PRKRIP1: variants seen among roughly 807,000 people sequenced by gnomAD.
PRKRIP1 encodes the protein PRKR interacting protein 1.
Under a neutral mutation model 29.3 loss-of-function variants are expected in PRKRIP1, and 29 were observed. The ratio of observed to expected loss-of-function variants is 0.99; its 90% CI spans 0.74 to 1.35. PRKRIP1 has a LOEUF of 1.35. PRKRIP1 is among the 40% of genes most tolerant of loss of function. The pLI is 0.00. For missense variants in PRKRIP1, 247 were observed against 236.8 expected, an observed-to-expected ratio of 1.04 and a Z score of -0.28; for synonymous variants, 90 against 85.1, an observed-to-expected ratio of 1.06 and a Z score of -0.32.
Position 102,397,824 on chromosome 7 carries a change from T to C in PRKRIP1, c.205+126T>C, listed in dbSNP as rs192167870. 6.8e-6 allele frequency: 5 copies of C among 734,824 alleles called. No homozygotes were observed. In the African/African-American group the frequency reaches 9.0e-5, roughly 13 times the overall value. The allele number at this position is 734,824 out of a possible 1,614,324, so 45.5% of individuals were successfully genotyped here. A position where few individuals can be genotyped will look rare whatever the true frequency, so the allele number is the denominator to read the frequency against. On this transcript the variant is annotated intron_variant, in intron 2 of 5. Coordinates refer to ENST00000397912, the MANE Select transcript of PRKRIP1 (RefSeq NM_024653.4). ...ACTTTGGGAGGCCGAGGCGGGCGGA[T>C]CATGAGGTCAGGAGATCGAGACCAT...
At chr7:102,408,834 G>A (rs1364410255) in intron 5 of PRKRIP1, among the ~76,000 whole-genome samples, 10 of 152,066 alleles carry the variant, frequency 6.6e-5, no homozygotes, top group Admixed American at 6.6e-4. Context: ...CCGAGATCAC[G>A]CCATTGCACT....
At position 102,399,614 on chromosome 7, in the gene PRKRIP1, A is replaced by C. The variant is rs782266026; in HGVS notation, c.272A>C (p.Gln91Pro). ...VYRHLRRREY[Q>P]RQDYMDAMAE... ...AGACATCTGCGCCGGAGAGAATATCAGCGACAGGACTACATGGATGCCATG... is the reference window on the plus strand; with the variant it reads ...AGACATCTGCGCCGGAGAGAATATCCGCGACAGGACTACATGGATGCCATG... Residue 91 changes from glutamine to proline, a missense_variant, in exon 3 of 6, where the codon CAG (glutamine) becomes CCG (proline). Coordinates refer to ENST00000397912, the MANE Select transcript of PRKRIP1 (RefSeq NM_024653.4). 3 of 1,614,038 alleles carry C rather than the reference A, an allele frequency of 1.9e-6. No homozygotes were observed. Among genetic ancestry groups the C allele is most frequent in the Non-Finnish European group, 2.5e-6 (3 of 1,179,960 alleles).
At chr7:102,409,652 A>G (rs185007360) in intron 5 of PRKRIP1, among the ~76,000 whole-genome samples, 174 of 151,952 alleles carry the variant, frequency 1.1e-3, no homozygotes, top group African/African-American at 4.1e-3. Context: ...GTGAGACCCC[A>G]TCTCTACAAA....
chr7:102,399,081 C>T (rs1436801073), intron 2 of PRKRIP1, among the ~76,000 whole-genome samples: 1 of 152,124 alleles, frequency 6.6e-6, no homozygotes, highest in African/African-American at 2.4e-5. Flanking sequence ...GTGATTGCGC[C>T]ACTGCCCTCC....
chr7:102,403,863 C>T (rs1232940135), intron 3 of PRKRIP1, among the ~76,000 whole-genome samples: 3 of 152,146 alleles, frequency 2.0e-5, no homozygotes, highest in Non-Finnish European at 2.9e-5. Flanking sequence ...GCGTGTGTTA[C>T]GCTGCTTTAG....
At chr7:102,409,875 TC>T (rs1448473717) in intron 5 of PRKRIP1, among the ~76,000 whole-genome samples, 2 of 152,048 alleles carry the variant, frequency 1.3e-5, no homozygotes, top group Non-Finnish European at 2.9e-5. Flanking sequence ...AATTTGACCC[TC>T]CCTCCTCAGG....
At chr7:102,397,569 A>G (rs1554570562) in intron 1 of PRKRIP1, 51 bp from the exon 2 acceptor site, 3 of 1,437,276 alleles carry the variant, frequency 2.1e-6, no homozygotes, top group South Asian at 2.3e-5. Flanking sequence ...GGAGATATAT[A>G]ATTTTGTCAA....
At chr7:102,396,615 C>T in intron 1 of PRKRIP1, 78 bp downstream of exon 1, 2 of 1,461,758 alleles carry the variant, frequency 1.4e-6, no homozygotes, top group East Asian at 2.5e-5. Flanking sequence ...TCCCGCAGGT[C>T]CACCTTCCCC....
chr7:102,399,326 A>G (rs1458010106), intron 2 of PRKRIP1, among the ~76,000 whole-genome samples: 1 of 152,134 alleles, frequency 6.6e-6, no homozygotes, highest in African/African-American at 2.4e-5. Context: ...ACTGCATTTG[A>G]GTGGGATTTT....
intron 2 of PRKRIP1, 45 bp from the exon 3 acceptor site, chr7:102,399,503 T>C (rs1028077460): frequency 6.6e-7 from 1 of 1,504,162 alleles, no homozygotes; most frequent in Non-Finnish European, 9.3e-7. Context: ...TGACCTGTGT[T>C]GGTAACTGAA....
At chr7:102,400,811 T>G (rs782668330) in intron 3 of PRKRIP1, among the ~76,000 whole-genome samples, 11 of 152,126 alleles carry the variant, frequency 7.2e-5, no homozygotes, top group Non-Finnish European at 1.3e-4. Flanking sequence ...ATTTTTTGTA[T>G]TTTTAGTAGA....
intron 1 of PRKRIP1, among the ~76,000 whole-genome samples, chr7:102,396,768 G>A (rs2133158760): frequency 6.6e-6 from 1 of 152,236 alleles, no homozygotes; most frequent in South Asian, 2.1e-4. Context: ...ACGGTGGAGC[G>A]GCTTCCCGTG....
In PRKRIP1 at chr7:102,425,172, G is replaced by C. The variant is rs781924000; in HGVS notation, c.*61G>C. 13 of 1,559,588 alleles carry C rather than the reference G, an allele frequency of 8.3e-6. No homozygotes were observed. The African/African-American group carries it at 1.8e-4, about 21-fold the overall frequency. ...CGTGCTGTGACCAGAAGGGAAAGGC[G>C]GCTGTTTGGCTCTTTCTCCCCCGCA... is the stretch of plus-strand genomic sequence containing the variant. On this transcript the variant is annotated 3_prime_UTR_variant, in exon 6 of 6. Transcript: ENST00000397912.
intron 5 of PRKRIP1, among the ~76,000 whole-genome samples, chr7:102,415,608 C>T (rs1203697309): frequency 1.3e-5 from 2 of 152,258 alleles, no homozygotes; most frequent in African/African-American, 4.8e-5. Context: ...CCCAAGATCA[C>T]GGAATGCTTC....
chr7:102,424,926 T>C (rs1459918518), intron 5 of PRKRIP1, 88 bp from the exon 6 acceptor site: 2 of 1,384,586 alleles, frequency 1.4e-6, no homozygotes, highest in African/African-American at 1.5e-5. Context: ...ACAGGGACTT[T>C]TGACTTCCCA....
chr7:102,402,967 T>A (rs1012265843), intron 3 of PRKRIP1, among the ~76,000 whole-genome samples: 2 of 151,998 alleles, frequency 1.3e-5, no homozygotes, highest in Non-Finnish European at 2.9e-5. Context: ...CTCTGCCTCC[T>A]GGGTTCAAGC....
intron 5 of PRKRIP1, among the ~76,000 whole-genome samples, chr7:102,423,631 C>G (rs1697025655): frequency 6.6e-6 from 1 of 152,030 alleles, no homozygotes; most frequent in Non-Finnish European, 1.5e-5. Context: ...TATGTACAGA[C>G]TTAGCACAGT....
chr7:102,409,120 G>C (rs1796308302), intron 5 of PRKRIP1, among the ~76,000 whole-genome samples: 2 of 152,148 alleles, frequency 1.3e-5, no homozygotes, highest in South Asian at 4.1e-4. Context: ...GTTGCAGTGA[G>C]CTGAGATTGT....
chr7:102,404,720 G>T lies in PRKRIP1; in HGVS notation c.392+37G>T. ...GGCCTAACTGTGATGACACTTAAGG[G>T]CCAGGGGTGGTGGCTGGGTGAGCTG... On this transcript the variant is annotated intron_variant, in intron 4 of 5. Coordinates refer to ENST00000397912, the MANE Select transcript of PRKRIP1 (RefSeq NM_024653.4). 2.6e-6 allele frequency: 4 copies of T among 1,549,490 alleles called. No individual in the cohort carries two copies. The South Asian group carries it at 4.5e-5, about 17-fold the overall frequency.
Sources: allele counts gnomAD v4.1 joint callset (sites outside exome capture counted in the v4.1 genomes callset), GRCh38; gene constraint gnomAD v4.1.1; transcripts MANE v1.5; gene names NCBI Gene and HGNC (gene_info 2026-07-23, HGNC 2026-07-21).